Variants in ASXL2 observed in about 807,000 individuals in gnomAD.
ASXL2 encodes putative Polycomb group protein ASXL2.
A neutral mutation model predicts 122.0 loss-of-function variants in ASXL2; 23 were observed. The observed-to-expected ratio is 0.19, with a 90% confidence interval of 0.14 to 0.27. ASXL2 has a LOEUF of 0.27. ASXL2 is among the 10% of genes least tolerant of loss of function. The pLI, the probability that ASXL2 is intolerant of heterozygous loss-of-function variation, is 1.00. For synonymous variants in ASXL2, 650 were observed against 637.0 expected (o/e 1.02, Z -0.31); for missense variants, 1,518 against 1,713.8 (o/e 0.89, Z 2.02).
chr2:25,814,694 C>G (rs1235567238), intron 3 of ASXL2, among the ~76,000 whole-genome samples: 1 of 152,192 alleles, frequency 6.6e-6, no homozygotes, highest in Non-Finnish European at 1.5e-5. Flanking sequence ...TGACTTTGAT[C>G]ATATTGCCAA....
At chr2:25,769,031 G>A (rs1191047075) in intron 6 of ASXL2, among the ~76,000 whole-genome samples, 163 bp from the exon 7 acceptor site, 1 of 152,014 alleles carries the variant, frequency 6.6e-6, no homozygotes, top group Non-Finnish European at 1.5e-5. Context: ...TCGCTTCTTG[G>A]CCTTTTGGCT....
intron 2 of ASXL2, among the ~76,000 whole-genome samples, chr2:25,842,268 C>T (rs1028368933): frequency 6.6e-6 from 1 of 152,052 alleles, no homozygotes; most frequent in African/African-American, 2.4e-5. Flanking sequence ...AATAGGTGAG[C>T]GAAAGCACAT....
chr2:25,813,271 T>C (rs983340946), intron 3 of ASXL2, among the ~76,000 whole-genome samples: 1 of 152,194 alleles, frequency 6.6e-6, no homozygotes, highest in African/African-American at 2.4e-5. Context: ...GCTATTAATA[T>C]AAACACAGGT....
Position 25,741,055 on chromosome 2 carries a change from A to G in ASXL2, c.*974T>C, listed in dbSNP as rs1322145420. 5.1e-6 allele frequency: 1 copy of G among 194,312 alleles called. No homozygotes were observed. Among genetic ancestry groups the G allele is most frequent in the East Asian group, 8.2e-5 (1 of 12,268 alleles). The allele number at this position is 194,312 out of a possible 1,614,324, so 12.0% of individuals were successfully genotyped here. ...TCAAAACTGTTTTCCAAAGTTATTT[A>G]CGTTCAATTTAACAGTTTCTGTGGT... On this transcript the variant is annotated 3_prime_UTR_variant, in exon 13 of 13. Coordinates refer to ENST00000435504, the MANE Select transcript of ASXL2 (RefSeq NM_018263.6).
chr2:25,759,516 C>A lies in ASXL2; in HGVS notation c.905G>T (p.Arg302Leu). The change falls in exon 9 of 13, where the codon CGA (arginine) becomes CTA (leucine). Residue 302 changes from arginine (R) to leucine (L), a missense_variant. By Grantham distance (102) the Arg-to-Leu change is moderately radical (BLOSUM62 -2). This residue lies in a region of ASXL2 where 92 missense variants were observed against 156.6 expected (regional missense o/e 0.59). Transcript: ENST00000435504. Reference sequence around the variant, plus strand: ...TACCTCTGGGAGTAGTAAAAGCAGTCGTTGCTGGCAATCTCCAGGAAGGAC... The same window carrying A: ...TACCTCTGGGAGTAGTAAAAGCAGTAGTTGCTGGCAATCTCCAGGAAGGAC... ...FSVLPGDCQQ[R>L]LLLLLPEVDR... The A allele has an allele frequency of 6.2e-7, 1 of 1,613,870 alleles. No individual in the cohort carries two copies. Among genetic ancestry groups the A allele is most frequent in the Non-Finnish European group, 8.5e-7 (1 of 1,179,828 alleles).
chr2:25,840,115 A>G (rs1457675845), intron 2 of ASXL2, among the ~76,000 whole-genome samples: 1 of 152,138 alleles, frequency 6.6e-6, no homozygotes, highest in Non-Finnish European at 1.5e-5. Flanking sequence ...GAGGGGAAAA[A>G]TTTAAGGACC....
intron 9 of ASXL2, among the ~76,000 whole-genome samples, chr2:25,758,184 T>C (rs2088173855): frequency 6.6e-6 from 1 of 152,210 alleles, no homozygotes. Flanking sequence ...CACAACACTA[T>C]GAAACTGATA....
chr2:25,801,610 T>C (rs1307481660), intron 4 of ASXL2, among the ~76,000 whole-genome samples: 1 of 139,546 alleles, frequency 7.2e-6, no homozygotes, highest in Non-Finnish European at 1.6e-5. Context: ...ATCTGAAATA[T>C]AAATATAATT....
chr2:25,788,080 T>A (rs1391291283), intron 5 of ASXL2, among the ~76,000 whole-genome samples: 1 of 152,140 alleles, frequency 6.6e-6, no homozygotes. Context: ...ATATGGTCAA[T>A]TGACTTATGA....
At chr2:25,877,424 T>A (rs961791881) in intron 1 of ASXL2, among the ~76,000 whole-genome samples, 1 of 152,122 alleles carries the variant, frequency 6.6e-6, no homozygotes, top group Non-Finnish European at 1.5e-5. Flanking sequence ...AGGGGGAAAA[T>A]TGTTTTGCCC....
At chr2:25,834,824 A>G (rs1419842355) in intron 3 of ASXL2, among the ~76,000 whole-genome samples, 1 of 151,756 alleles carries the variant, frequency 6.6e-6, no homozygotes, top group Non-Finnish European at 1.5e-5. Flanking sequence ...TAAAGGATTT[A>G]CCAATTTTTT....
At chr2:25,760,167 C>A (rs1000328696) in intron 8 of ASXL2, among the ~76,000 whole-genome samples, 1 of 151,020 alleles carries the variant, frequency 6.6e-6, no homozygotes, top group East Asian at 1.9e-4. Context: ...AAACTGAGTA[C>A]ACAAAGGATT....
At chr2:25,874,834 C>T (rs954853111) in intron 1 of ASXL2, among the ~76,000 whole-genome samples, 3 of 152,028 alleles carry the variant, frequency 2.0e-5, no homozygotes, top group Non-Finnish European at 4.4e-5. Flanking sequence ...AATATCAGCA[C>T]TTTGGCAGGC....
Position 25,806,402 on chromosome 2 carries a change from T to C in ASXL2, c.144-65A>G, listed in dbSNP as rs550619148. Reference sequence around the variant, plus strand: ...TTAATTTCTGTCTCTGAATATCCTATGTAACACTCAAAATAAAATTAATTA... The same window carrying C: ...TTAATTTCTGTCTCTGAATATCCTACGTAACACTCAAAATAAAATTAATTA... On this transcript the variant is annotated intron_variant, in intron 3 of 12. Transcript: ENST00000435504. 26 of 1,060,964 alleles carry C rather than the reference T, an allele frequency of 2.5e-5. No individual in the cohort carries two copies. In the South Asian group the frequency reaches 2.9e-4, roughly 12 times the overall value. The allele number at this position is 1,060,964 out of a possible 1,614,324, so 65.7% of individuals were successfully genotyped here.
intron 12 of ASXL2, among the ~76,000 whole-genome samples, chr2:25,745,062 C>T (rs2087918939): frequency 6.6e-6 from 1 of 151,972 alleles, no homozygotes; most frequent in Non-Finnish European, 1.5e-5. Context: ...GAGCCCCCAC[C>T]ATGCCCATAC....
chr2:25,878,258 C>G lies in ASXL2; in HGVS notation c.-36G>C. ...GAACTGACTGGGAGGCTCCCGTGTC[C>G]GGGCTCCGGCCGCCCTCCCTGCCTG... is the stretch of plus-strand genomic sequence containing the variant. On this transcript the variant is annotated 5_prime_UTR_variant, in exon 1 of 13. Transcript: ENST00000435504. The G allele has an allele frequency of 6.2e-7, 1 of 1,610,938 alleles. No homozygotes were observed. Among genetic ancestry groups the G allele is most frequent in the Non-Finnish European group, 8.5e-7 (1 of 1,177,648 alleles).
chr2:25,820,717 G>C (rs2089297942), intron 3 of ASXL2, among the ~76,000 whole-genome samples: 2 of 152,084 alleles, frequency 1.3e-5, no homozygotes, highest in South Asian at 4.1e-4. Flanking sequence ...CCATTGAACT[G>C]TGCACTGAAA....
intron 3 of ASXL2, among the ~76,000 whole-genome samples, chr2:25,834,563 G>C (rs1376425454): frequency 1.3e-5 from 2 of 152,110 alleles, no homozygotes; most frequent in African/African-American, 2.4e-5. Flanking sequence ...GAGTTAAAAA[G>C]ACTAACTACG....
intron 1 of ASXL2, among the ~76,000 whole-genome samples, chr2:25,866,574 T>C (rs2089906614): frequency 6.6e-6 from 1 of 152,220 alleles, no homozygotes; most frequent in African/African-American, 2.4e-5. Flanking sequence ...GAAATACATA[T>C]GAAGCAATCC....
Sources: allele counts gnomAD v4.1 joint callset (sites outside exome capture counted in the v4.1 genomes callset), GRCh38; gene constraint gnomAD v4.1.1; regional missense constraint gnomAD v4.1.1; transcripts MANE v1.5; gene names NCBI Gene and HGNC (gene_info 2026-07-23, HGNC 2026-07-21).